BTBD9: variants seen among roughly 807,000 people sequenced by gnomAD.
BTBD9 encodes BTB domain containing 9, also known as BTB/POZ domain-containing protein 9.
BTBD9 carries 49 observed loss-of-function variants against 64.3 expected under a neutral mutation model. The ratio of observed to expected loss-of-function variants is 0.76; its 90% confidence interval spans 0.61 to 0.97. The LOEUF is 0.97. Among genes scored for constraint, BTBD9 ranks in the 50% least tolerant of loss-of-function variants. The pLI, the probability that BTBD9 is intolerant of heterozygous loss-of-function variation, is 0.00. For synonymous variants in BTBD9, 260 were observed against 274.7 expected (o/e 0.95, Z 0.53); for missense variants, 598 against 762.1 (o/e 0.78, Z 2.53).
intron 6 of BTBD9, among the ~76,000 whole-genome samples, chr6:38,383,187 A>G (rs1390895428): frequency 6.6e-6 from 1 of 152,226 alleles, no homozygotes; most frequent in East Asian, 1.9e-4. Context: ...GGTTTATTCC[A>G]GGAGTGCTAG....
chr6:38,336,586 A>G (rs1236822701), intron 7 of BTBD9, among the ~76,000 whole-genome samples: 1 of 152,056 alleles, frequency 6.6e-6, no homozygotes, highest in Middle Eastern at 3.2e-3. Context: ...CCATGATTCA[A>G]TTACCTCCCA....
intron 9 of BTBD9, among the ~76,000 whole-genome samples, chr6:38,217,233 C>T (rs1000690282): frequency 6.8e-6 from 1 of 146,086 alleles, no homozygotes; most frequent in Non-Finnish European, 1.5e-5. Context: ...GCAGGAGAAT[C>T]GCTTGAACCC....
chr6:38,533,662 A>G (rs912475547), intron 6 of BTBD9, among the ~76,000 whole-genome samples: 2 of 152,218 alleles, frequency 1.3e-5, no homozygotes, highest in African/African-American at 4.8e-5. Flanking sequence ...GTCTTAAAAC[A>G]TTCAAAAAAT....
At chr6:38,494,216 T>A (rs777337448) in intron 6 of BTBD9, among the ~76,000 whole-genome samples, 1 of 152,368 alleles carries the variant, frequency 6.6e-6, no homozygotes, top group Middle Eastern at 3.4e-3. Flanking sequence ...GGTGTTAAGC[T>A]GGTAACATTA....
At chr6:38,424,283 T>C (rs1463945260) in intron 6 of BTBD9, among the ~76,000 whole-genome samples, 1 of 151,930 alleles carries the variant, frequency 6.6e-6, no homozygotes, top group Non-Finnish European at 1.5e-5. Flanking sequence ...CACTGAAAAT[T>C]CATCATACAA....
chr6:38,561,855 T>A (rs1053991418), intron 6 of BTBD9, among the ~76,000 whole-genome samples: 5 of 152,048 alleles, frequency 3.3e-5, no homozygotes, highest in African/African-American at 1.2e-4. Flanking sequence ...ACAGGACCAT[T>A]TGTAACCTAA....
At chr6:38,241,554 T>C (rs190400834) in intron 9 of BTBD9, among the ~76,000 whole-genome samples, 169 of 152,348 alleles carry the variant, frequency 1.1e-3, no homozygotes, top group African/African-American at 3.7e-3. Flanking sequence ...GAAAAGTGTA[T>C]GAGCAGAAAG....
At chr6:38,459,114 G>A (rs1334425406) in intron 6 of BTBD9, among the ~76,000 whole-genome samples, 2 of 152,060 alleles carry the variant, frequency 1.3e-5, no homozygotes, top group Non-Finnish European at 2.9e-5. Flanking sequence ...TGCCTCCTGG[G>A]TTCAAGCAAT....
intron 6 of BTBD9, among the ~76,000 whole-genome samples, chr6:38,377,390 C>T (rs1263033890): frequency 6.6e-6 from 1 of 152,148 alleles, no homozygotes; most frequent in African/African-American, 2.4e-5. Flanking sequence ...AAAGGACAGA[C>T]ATTATTCATT....
Position 38,460,900 on chromosome 6 carries a change from G to A in BTBD9, c.1155-115807C>T, listed in dbSNP as rs139115902. On this transcript the variant is annotated intron_variant, in intron 6 of 10. Transcript: ENST00000481247. ...GGCCTCCCAAAGTGCTGAGATTACA[G>A]GTGTGAGCCACCACGCCCGGCCCCA... Among the ~76,000 whole-genome samples the A allele has an allele frequency of 5.2e-3, 799 of 152,322 alleles. 4 individuals are homozygous for A. The highest frequency in any genetic ancestry group is 0.018 in the African/African-American group (743 of 41,570).
At chr6:38,562,886 A>G (rs990820746) in intron 6 of BTBD9, among the ~76,000 whole-genome samples, 2 of 152,170 alleles carry the variant, frequency 1.3e-5, no homozygotes, top group Non-Finnish European at 2.9e-5. Flanking sequence ...TATAAAGTAT[A>G]CATTTCCTTC....
chr6:38,425,795 T>C (rs1291643918), intron 6 of BTBD9, among the ~76,000 whole-genome samples: 1 of 150,608 alleles, frequency 6.6e-6, no homozygotes, highest in Non-Finnish European at 1.5e-5. Context: ...TGTGTGCCTA[T>C]AGTCTCAGCT....
At chr6:38,409,579 C>T (rs1249478461) in intron 6 of BTBD9, among the ~76,000 whole-genome samples, 2 of 152,102 alleles carry the variant, frequency 1.3e-5, no homozygotes, top group Admixed American at 6.5e-5. Flanking sequence ...AATTCCAGCA[C>T]TTTGGGAGGC....
chr6:38,605,955 A>G (rs1562410620), intron 1 of BTBD9, among the ~76,000 whole-genome samples: 1 of 152,216 alleles, frequency 6.6e-6, no homozygotes, highest in Non-Finnish European at 1.5e-5. Flanking sequence ...CCTCAATCTG[A>G]GTAGGCACCA....
intron 6 of BTBD9, among the ~76,000 whole-genome samples, chr6:38,499,658 C>G (rs1041279863): frequency 1.3e-5 from 2 of 152,162 alleles, no homozygotes; most frequent in Non-Finnish European, 2.9e-5. Context: ...AGTAATGAAT[C>G]TCTTGTGACT....
At chr6:38,254,830 C>A (rs1295658326) in intron 9 of BTBD9, among the ~76,000 whole-genome samples, 2 of 152,200 alleles carry the variant, frequency 1.3e-5, no homozygotes, top group Non-Finnish European at 2.9e-5. Flanking sequence ...TAAAATGGTG[C>A]AGCTGCTGTG....
At chr6:38,494,732 T>C (rs980906376) in intron 6 of BTBD9, among the ~76,000 whole-genome samples, 1 of 152,234 alleles carries the variant, frequency 6.6e-6, no homozygotes, top group Non-Finnish European at 1.5e-5. Flanking sequence ...CCAAATATTT[T>C]TCTGTGGAAG....
chr6:38,456,744 T>A (rs778835672), intron 6 of BTBD9, among the ~76,000 whole-genome samples: 6 of 152,204 alleles, frequency 3.9e-5, no homozygotes, highest in Non-Finnish European at 1.5e-5. Context: ...GTTCTTTATA[T>A]ATTTTGGGTA....
At chr6:38,380,135 TAATA>T (rs1253990700) in intron 6 of BTBD9, among the ~76,000 whole-genome samples, 2 of 152,130 alleles carry the variant, frequency 1.3e-5, no homozygotes, top group Non-Finnish European at 2.9e-5. Context: ...TGTATTACTT[TAATA>T]AAAATAAAAA....
Sources: gnomAD v4.1 joint callset for allele counts (sites outside exome capture counted in the v4.1 genomes callset) on GRCh38, gnomAD v4.1.1 for gene constraint, MANE v1.5 for transcripts, NCBI Gene and HGNC (gene_info 2026-07-23, HGNC 2026-07-21) for gene names.